MRPS28: variants seen among roughly 807,000 people sequenced by gnomAD.
MRPS28 encodes the protein mitochondrial ribosomal protein S28.
MRPS28 carries 7 observed loss-of-function variants against 10.8 expected under a neutral mutation model. That is an observed-to-expected ratio of 0.65 (90% CI 0.37 to 1.22). The LOEUF (loss-of-function observed/expected upper bound fraction) is 1.22, where lower values mean the gene tolerates loss of function less well. MRPS28 is among the 50% of genes most tolerant of loss of function. The probability of loss-of-function intolerance (pLI) is 0.02; values close to 1 mark genes in which losing one functional copy is unlikely to be tolerated. For synonymous variants in MRPS28, 121 were observed against 93.3 expected, an observed-to-expected ratio of 1.30 and a Z score of -1.71; for missense variants, 265 against 232.9, an observed-to-expected ratio of 1.14 and a Z score of -0.90.
intron 1 of MRPS28, among the ~76,000 whole-genome samples, chr8:80,009,875 T>G (rs937500428): frequency 3.9e-5 from 6 of 152,176 alleles, no homozygotes; most frequent in African/African-American, 1.2e-4. Flanking sequence ...TCAAGTTTAG[T>G]GAAAGTCACT....
intron 1 of MRPS28, among the ~76,000 whole-genome samples, chr8:80,023,804 G>A (rs1809431781): frequency 6.6e-6 from 1 of 152,204 alleles, no homozygotes; most frequent in Non-Finnish European, 1.5e-5. Context: ...GCTACGAGAT[G>A]AGTTATATGC....
intron 1 of MRPS28, among the ~76,000 whole-genome samples, chr8:80,007,222 C>T (rs1808876591): frequency 1.3e-5 from 2 of 152,116 alleles, no homozygotes; most frequent in Non-Finnish European, 2.9e-5. Flanking sequence ...AATTCAACAA[C>T]CCTTCATGCT....
intron 2 of MRPS28, among the ~76,000 whole-genome samples, chr8:79,952,611 C>T (rs1190154693): frequency 6.6e-6 from 1 of 152,122 alleles, no homozygotes; most frequent in Non-Finnish European, 1.5e-5. Context: ...GCAGATGCAT[C>T]CCTGTTTACT....
At chr8:79,986,505 T>G (rs1219363829) in intron 2 of MRPS28, among the ~76,000 whole-genome samples, 3 of 152,226 alleles carry the variant, frequency 2.0e-5, no homozygotes, top group Non-Finnish European at 4.4e-5. Context: ...GCAGATGACA[T>G]GATTGTATAT....
At position 80,018,166 on chromosome 8, in the gene MRPS28, G is replaced by A. The variant is rs184816492; in HGVS notation, c.213+11870C>T. On this transcript the variant is annotated intron_variant, in intron 1 of 2. Transcript: ENST00000276585. The stretch of plus-strand genomic sequence containing the variant: ...AAACTAGCAGGGCATGGTGGCAGGC[G>A]CCTGTAGTCCCAGCTACTGGGGAGG... Among the ~76,000 whole-genome samples the A allele has an allele frequency of 3.3e-5, 5 of 151,904 alleles. No homozygotes were observed. The East Asian group carries it at 5.8e-4, about 18-fold the overall frequency.
At chr8:79,926,352 C>G (rs904808963) in intron 2 of MRPS28, among the ~76,000 whole-genome samples, 1 of 152,184 alleles carries the variant, frequency 6.6e-6, no homozygotes, top group Non-Finnish European at 1.5e-5. Flanking sequence ...AGAGGTTTGA[C>G]TGTGACCAAG....
chr8:80,029,031 AAG>A (rs1274925154), intron 1 of MRPS28, among the ~76,000 whole-genome samples: 1 of 152,136 alleles, frequency 6.6e-6, no homozygotes, highest in African/African-American at 2.4e-5. Context: ...ACAGGCCAGG[AAG>A]AGATTCTCCT....
intron 2 of MRPS28, among the ~76,000 whole-genome samples, chr8:79,940,826 G>A (rs79313939): frequency 0.07 from 10,703 of 152,248 alleles, 596 homozygotes; most frequent in African/African-American, 0.15. Context: ...AGAACAAGCA[G>A]TCTACAGTAC....
In MRPS28 at chr8:79,931,079, T is replaced by G. The variant is rs150504113; in HGVS notation, c.396-11931A>C. On this transcript the variant is annotated intron_variant, in intron 2 of 2. Coordinates refer to ENST00000276585, the MANE Select transcript of MRPS28 (RefSeq NM_014018.3). The stretch of plus-strand genomic sequence containing the variant: ...ATAATAAAATTCAAAAAAATAGTGT[T>G]AGGCATATTTTGAATAATATAATTA... Among the ~76,000 whole-genome samples the G allele has an allele frequency of 8.5e-3, 1,291 of 152,324 alleles. 27 individuals are homozygous for G. Among genetic ancestry groups the G allele is most frequent in the African/African-American group, 0.03 (1,229 of 41,574 alleles).
chr8:80,003,264 T>G (rs1808712342), intron 1 of MRPS28, 84 bp from the exon 2 acceptor site: 1 of 1,050,486 alleles, frequency 9.5e-7, no homozygotes, highest in South Asian at 2.5e-5. Context: ...TTAAAGTCAA[T>G]TGTTGTAGCA....
chr8:79,928,818 C>T (rs1806376744), intron 2 of MRPS28, among the ~76,000 whole-genome samples: 1 of 117,130 alleles, frequency 8.5e-6, no homozygotes, highest in Non-Finnish European at 1.9e-5. Context: ...GCTGAGTGGG[C>T]GGATCACCTG....
At chr8:79,923,556 A>T (rs373605483) in intron 2 of MRPS28, among the ~76,000 whole-genome samples, 1 of 152,076 alleles carries the variant, frequency 6.6e-6, no homozygotes, top group African/African-American at 2.4e-5. Context: ...TTAATTGGGG[A>T]AAAAGCCCCC....
At position 80,009,565 on chromosome 8, in the gene MRPS28, G is replaced by A. The variant is rs553086138; in HGVS notation, c.214-6385C>T. On this transcript the variant is annotated intron_variant, in intron 1 of 2. Coordinates refer to ENST00000276585, the MANE Select transcript of MRPS28 (RefSeq NM_014018.3). ...CAGGAGGCAGAGGTTACGGTGAGCCGAGATCACGCCATTTCACTCCAGCCT... is the reference window on the plus strand; with the variant it reads ...CAGGAGGCAGAGGTTACGGTGAGCCAAGATCACGCCATTTCACTCCAGCCT... Among the ~76,000 whole-genome samples, 924 of 151,964 alleles carry A rather than the reference G, an allele frequency of 6.1e-3. 5 individuals carry two copies. The highest frequency in any genetic ancestry group is 0.021 in the African/African-American group (885 of 41,418).
chr8:79,980,972 G>C (rs1318096388), intron 2 of MRPS28, among the ~76,000 whole-genome samples: 3 of 152,108 alleles, frequency 2.0e-5, no homozygotes, highest in African/African-American at 7.2e-5. Context: ...TTTACTTTTG[G>C]AATGCTTTGC....
At chr8:79,973,659 G>A (rs1296539744) in intron 2 of MRPS28, among the ~76,000 whole-genome samples, 2 of 152,112 alleles carry the variant, frequency 1.3e-5, no homozygotes, top group African/African-American at 2.4e-5. Flanking sequence ...CAACTAGTAA[G>A]TGTAAAGTCG....
At chr8:79,985,994 T>C (rs1808155337) in intron 2 of MRPS28, among the ~76,000 whole-genome samples, 1 of 152,186 alleles carries the variant, frequency 6.6e-6, no homozygotes, top group Non-Finnish European at 1.5e-5. Context: ...TTTAGACTAA[T>C]ATCCTTGATG....
intron 2 of MRPS28, among the ~76,000 whole-genome samples, chr8:79,974,845 C>T (rs1005632460): frequency 2.0e-5 from 3 of 151,070 alleles, no homozygotes; most frequent in Non-Finnish European, 3.0e-5. Flanking sequence ...GGCTAAAATA[C>T]AAAAAAAAGT....
chr8:79,951,812 T>A (rs1407831745), intron 2 of MRPS28, among the ~76,000 whole-genome samples: 1 of 152,192 alleles, frequency 6.6e-6, no homozygotes, highest in Non-Finnish European at 1.5e-5. Flanking sequence ...CTCGCAGCCA[T>A]GATGGGATCA....
intron 2 of MRPS28, among the ~76,000 whole-genome samples, chr8:79,929,102 T>G (rs2129884068): frequency 6.6e-6 from 1 of 152,198 alleles, no homozygotes; most frequent in African/African-American, 2.4e-5. Context: ...GTTCATACTC[T>G]TTATTAAAAA....
Sources: allele counts gnomAD v4.1 joint callset (sites outside exome capture counted in the v4.1 genomes callset), GRCh38; gene constraint gnomAD v4.1.1; transcripts MANE v1.5; gene names NCBI Gene and HGNC (gene_info 2026-07-23, HGNC 2026-07-21).